The following CSMD1 variants were observed in gnomAD, a reference collection of about 807,000 sequenced individuals.
The protein encoded by CSMD1 is CUB and Sushi multiple domains 1, also known as CUB and sushi domain-containing protein 1.
Under a neutral mutation model 417.5 loss-of-function variants are expected in CSMD1, and 213 were observed. The ratio of observed to expected loss-of-function variants is 0.51; its 90% confidence interval spans 0.46 to 0.57. The LOEUF (loss-of-function observed/expected upper bound fraction) is 0.57, where lower values mean the gene tolerates loss of function less well. Among genes scored for constraint, CSMD1 ranks in the 20% least tolerant of loss-of-function variants. The probability of loss-of-function intolerance (pLI) is 0.00; values close to 1 mark genes in which losing one functional copy is unlikely to be tolerated. For missense variants in CSMD1, 6,923 were observed against 4,529.7 expected (o/e 1.53, Z -15.17); for synonymous variants, 2,862 against 1,736.8 (o/e 1.65, Z -16.11).
At chr8:4,433,304 T>C (rs1404472970) in intron 2 of CSMD1, among the ~76,000 whole-genome samples, 5 of 152,196 alleles carry the variant, frequency 3.3e-5, no homozygotes, top group Non-Finnish European at 5.9e-5. Context: ...AAAAACTGGC[T>C]TCCACGAAAC....
intron 1 of CSMD1, among the ~76,000 whole-genome samples, chr8:4,677,052 A>G (rs1030725913): frequency 6.8e-6 from 1 of 146,954 alleles, no homozygotes; most frequent in African/African-American, 2.5e-5. Flanking sequence ...TTATATATAT[A>G]GAATTATATA....
intron 3 of CSMD1, among the ~76,000 whole-genome samples, chr8:4,220,080 C>T (rs1218097101): frequency 6.6e-6 from 1 of 152,086 alleles, no homozygotes; most frequent in South Asian, 2.1e-4. Context: ...CTCCCGAGTA[C>T]CTGTGATTAC....
chr8:4,390,407 A>C (rs1017275894), intron 3 of CSMD1, among the ~76,000 whole-genome samples: 12 of 152,198 alleles, frequency 7.9e-5, no homozygotes, highest in African/African-American at 2.9e-4. Flanking sequence ...AGGAGAAATA[A>C]AACATCGTAT....
At chr8:3,476,513 C>T (rs191066780) in intron 11 of CSMD1, among the ~76,000 whole-genome samples, 2 of 152,232 alleles carry the variant, frequency 1.3e-5, no homozygotes, top group Admixed American at 6.5e-5. Flanking sequence ...AACTACCAAC[C>T]TATCTTCCAG....
Position 4,685,687 on chromosome 8 carries a change from T to C in CSMD1, c.86-48129A>G, listed in dbSNP as rs78923797. On this transcript the variant is annotated intron_variant, in intron 1 of 69. Transcript: ENST00000635120. ...AAACAAAATCAATTAAATTTGAAAA[T>C]TGAGTACAAGGAAGTGAAACGGTAA... Among the ~76,000 whole-genome samples the C allele has an allele frequency of 8.4e-3, 1,285 of 152,286 alleles. 10 individuals are homozygous for C. The highest frequency in any genetic ancestry group is 0.027 in the Middle Eastern group (8 of 294).
chr8:3,343,386 C>T lies in CSMD1; in HGVS notation c.3539G>A (p.Gly1180Glu), dbSNP rs1174104737. 6.2e-7 allele frequency: 1 copy of T among 1,613,568 alleles called. No homozygotes were observed. ...LGTFTKNELL[G>E]LILNSTSNHL... ...ATTGGATGTGCTGTTTAGGATCAGC[C>T]CCAGAAGTTCATTTTTAGTGAACGT... is the stretch of plus-strand genomic sequence containing the variant. The change falls in exon 23 of 70, where the codon GGG (glycine) becomes GAG (glutamate). Residue 1180 changes from glycine to glutamate, a missense_variant. Coordinates refer to ENST00000635120, the MANE Select transcript of CSMD1 (RefSeq NM_033225.6).
At chr8:3,217,437 G>A (rs1301134569) in intron 29 of CSMD1, among the ~76,000 whole-genome samples, 1 of 152,182 alleles carries the variant, frequency 6.6e-6, no homozygotes, top group African/African-American at 2.4e-5. Flanking sequence ...GCCTTAGGAT[G>A]CCGGGGAGAA....
At chr8:3,590,882 C>T (rs1800815715) in intron 8 of CSMD1, among the ~76,000 whole-genome samples, 1 of 152,156 alleles carries the variant, frequency 6.6e-6, no homozygotes, top group African/African-American at 2.4e-5. Context: ...GTTCAATTTC[C>T]AAGCCATGTG....
At chr8:4,923,650 A>G (rs1806651387) in intron 1 of CSMD1, among the ~76,000 whole-genome samples, 1 of 152,120 alleles carries the variant, frequency 6.6e-6, no homozygotes, top group Admixed American at 6.6e-5. Flanking sequence ...TCCTGCACTC[A>G]CATGTTCTCT....
chr8:3,777,896 C>G (rs975926033), intron 5 of CSMD1, among the ~76,000 whole-genome samples: 1 of 151,400 alleles, frequency 6.6e-6, no homozygotes, highest in African/African-American at 2.4e-5. Context: ...AGCGCAGAGT[C>G]TCAGTTCCCA....
rs548582954 is a variant in CSMD1 at position 4,219,963 on chromosome 8, T to C, written c.416-187864A>G. Among the ~76,000 whole-genome samples, 26 of 152,312 alleles carry C rather than the reference T, an allele frequency of 1.7e-4. 1 individual carries two copies. The highest frequency in any genetic ancestry group is 6.8e-3 in the Middle Eastern group (2 of 294). On this transcript the variant is annotated intron_variant, in intron 3 of 69. Transcript: ENST00000635120. Reference sequence around the variant, plus strand: ...TTTTTAAAAATTTTTTAATGCTTTTTTTTTGAAATGGAGTCTCACTCTGTC... The same window carrying C: ...TTTTTAAAAATTTTTTAATGCTTTTCTTTTGAAATGGAGTCTCACTCTGTC...
At chr8:4,090,481 C>A (rs1204895795) in intron 3 of CSMD1, among the ~76,000 whole-genome samples, 1 of 152,138 alleles carries the variant, frequency 6.6e-6, no homozygotes, top group African/African-American at 2.4e-5. Context: ...AAAAAACAAA[C>A]AGCTAGAAAT....
intron 3 of CSMD1, among the ~76,000 whole-genome samples, chr8:4,130,578 T>A (rs1052596601): frequency 6.6e-6 from 1 of 152,164 alleles, no homozygotes; most frequent in Non-Finnish European, 1.5e-5. Context: ...TGACCTTATG[T>A]TTTCTAACTT....
chr8:4,668,455 A>C (rs1221295192), intron 1 of CSMD1, among the ~76,000 whole-genome samples: 4 of 144,544 alleles, frequency 2.8e-5, no homozygotes, highest in East Asian at 2.0e-4. Flanking sequence ...TATTATTATT[A>C]TTATTATTAT....
At chr8:3,142,005 G>C (rs1818526959) in intron 41 of CSMD1, among the ~76,000 whole-genome samples, 1 of 152,014 alleles carries the variant, frequency 6.6e-6, no homozygotes, top group Non-Finnish European at 1.5e-5. Flanking sequence ...CACCGTGTTA[G>C]CCAGGATGGT....
chr8:4,662,885 A>G (rs1430938900), intron 1 of CSMD1, among the ~76,000 whole-genome samples: 1 of 152,238 alleles, frequency 6.6e-6, no homozygotes, highest in African/African-American at 2.4e-5. Context: ...TGTTTATTCC[A>G]AAATGAGTTA....
intron 1 of CSMD1, among the ~76,000 whole-genome samples, chr8:4,872,571 G>C (rs546899776): frequency 4.6e-5 from 7 of 152,142 alleles, no homozygotes; most frequent in South Asian, 2.1e-4. Context: ...AGAACTGTGA[G>C]TCAATTAAAA....
chr8:3,715,886 G>A (rs1034828013), intron 6 of CSMD1, among the ~76,000 whole-genome samples: 1 of 151,994 alleles, frequency 6.6e-6, no homozygotes, highest in Non-Finnish European at 1.5e-5. Context: ...AGACAGACAG[G>A]AATCTTTCCC....
At chr8:4,219,149 G>C (rs192087108) in intron 3 of CSMD1, among the ~76,000 whole-genome samples, 1 of 152,094 alleles carries the variant, frequency 6.6e-6, no homozygotes, top group Non-Finnish European at 1.5e-5. Context: ...CCTTTTTGTA[G>C]CACCTGGTGT....
Sources: allele counts gnomAD v4.1 joint callset (sites outside exome capture counted in the v4.1 genomes callset), GRCh38; gene constraint gnomAD v4.1.1; transcripts MANE v1.5; gene names NCBI Gene and HGNC (gene_info 2026-07-23, HGNC 2026-07-21).